The following VPS41 variants were observed in gnomAD, a reference collection of about 807,000 sequenced individuals.
VPS41 encodes vacuolar protein sorting-associated protein 41 homolog.
Under a neutral mutation model 130.9 loss-of-function variants are expected in VPS41, and 85 were observed. That is an observed-to-expected ratio of 0.65 (90% CI 0.55 to 0.78). The LOEUF is 0.78. Among genes scored for constraint, VPS41 ranks in the 30% least tolerant of loss-of-function variants. The probability of loss-of-function intolerance (pLI) is 0.00; values close to 1 mark genes in which losing one functional copy is unlikely to be tolerated. For missense variants in VPS41, 874 were observed against 1,018.7 expected, an observed-to-expected ratio of 0.86 and a Z score of 1.93; for synonymous variants, 335 against 332.9, an observed-to-expected ratio of 1.01 and a Z score of -0.07.
intron 10 of VPS41, among the ~76,000 whole-genome samples, chr7:38,783,842 G>C (rs1784394430): frequency 6.6e-6 from 1 of 151,620 alleles, no homozygotes; most frequent in Non-Finnish European, 1.5e-5. Flanking sequence ...TTCCCAACTA[G>C]GTTATCTCAC....
At chr7:38,898,058 AC>A in intron 2 of VPS41, 32 bp downstream of exon 2, 2 of 1,607,504 alleles carry the variant, frequency 1.2e-6, no homozygotes, top group Non-Finnish European at 1.7e-6. Flanking sequence ...GTGGTGAGCT[AC>A]AAATCCGAGG....
At chr7:38,893,338 T>A (rs1292320926) in intron 2 of VPS41, among the ~76,000 whole-genome samples, 5 of 152,218 alleles carry the variant, frequency 3.3e-5, no homozygotes, top group Non-Finnish European at 7.3e-5. Flanking sequence ...CTCCCAAGAT[T>A]CTAGGCAGAC....
chr7:38,898,209 TC>T, intron 1 of VPS41, 80 bp from the exon 2 acceptor site: 1 of 1,229,032 alleles, frequency 8.1e-7, no homozygotes, highest in Non-Finnish European at 1.2e-6. Context: ...GTCCTCATGT[TC>T]CTACTACCAC....
intron 9 of VPS41, among the ~76,000 whole-genome samples, chr7:38,792,464 T>C (rs560884589): frequency 1.2e-4 from 18 of 152,330 alleles, no homozygotes; most frequent in African/African-American, 4.1e-4. Flanking sequence ...TCCAGTATGT[T>C]AGGTGACTGT....
At chr7:38,861,526 CCT>C (rs1485116844) in intron 4 of VPS41, among the ~76,000 whole-genome samples, 2 of 152,154 alleles carry the variant, frequency 1.3e-5, no homozygotes, top group Non-Finnish European at 2.9e-5. Context: ...CACATAATTC[CCT>C]GTCTGTGTTG....
At chr7:38,815,234 G>A (rs1258936446) in intron 7 of VPS41, among the ~76,000 whole-genome samples, 1 of 152,072 alleles carries the variant, frequency 6.6e-6, no homozygotes, top group African/African-American at 2.4e-5. Context: ...GACCAGCCTG[G>A]CCAACATGGT....
At chr7:38,783,923 A>C (rs1019489917) in intron 10 of VPS41, among the ~76,000 whole-genome samples, 1 of 152,180 alleles carries the variant, frequency 6.6e-6, no homozygotes, top group East Asian at 1.9e-4. Flanking sequence ...CCTCTGTCAT[A>C]TATGTTTATA....
intron 7 of VPS41, among the ~76,000 whole-genome samples, chr7:38,812,671 A>AT (rs551853916): frequency 4.3e-4 from 65 of 152,164 alleles, no homozygotes; most frequent in Admixed American, 1.4e-3. Flanking sequence ...CCCAGAATTT[A>AT]TTTTTGAAGT....
chr7:38,828,453 C>T (rs1333956419), intron 5 of VPS41, among the ~76,000 whole-genome samples: 1 of 152,012 alleles, frequency 6.6e-6, no homozygotes, highest in Non-Finnish European at 1.5e-5. Flanking sequence ...TATCTAGGAA[C>T]CTTAACACAC....
At chr7:38,804,792 TGCAAATGCA>T (rs1784807131) in intron 7 of VPS41, among the ~76,000 whole-genome samples, 1 of 152,244 alleles carries the variant, frequency 6.6e-6, no homozygotes, top group Admixed American at 6.5e-5. Flanking sequence ...CTGCAATTGC[TGCAAATGCA>T]AGCACATAAT....
chr7:38,874,011 A>G (rs1039124885), intron 2 of VPS41, among the ~76,000 whole-genome samples: 4 of 152,202 alleles, frequency 2.6e-5, no homozygotes, highest in Admixed American at 6.5e-5. Flanking sequence ...TTGTATACCA[A>G]CAAGAATATT....
chr7:38,831,988 A>G (rs1785395011), intron 4 of VPS41, among the ~76,000 whole-genome samples: 1 of 152,178 alleles, frequency 6.6e-6, no homozygotes, highest in South Asian at 2.1e-4. Flanking sequence ...TCTATTAGCA[A>G]TAGAAGGGTT....
At chr7:38,879,396 T>C (rs981417537) in intron 2 of VPS41, among the ~76,000 whole-genome samples, 1 of 152,148 alleles carries the variant, frequency 6.6e-6, no homozygotes, top group African/African-American at 2.4e-5. Flanking sequence ...TAGGGGCTGC[T>C]TCCTCTGTGG....
intron 4 of VPS41, among the ~76,000 whole-genome samples, chr7:38,839,747 C>T (rs1214779173): frequency 6.6e-6 from 1 of 151,964 alleles, no homozygotes; most frequent in African/African-American, 2.4e-5. Flanking sequence ...CCGTTCTGCC[C>T]GGCCAGAACA....
At chr7:38,726,455 G>A (rs1795546989) in intron 28 of VPS41, 129 bp from the exon 29 acceptor site, 1 of 692,922 alleles carries the variant, frequency 1.4e-6, no homozygotes. Flanking sequence ...CCTTTCTCTG[G>A]AGTTTATTTC....
chr7:38,805,030 T>C (rs1562592945), intron 7 of VPS41, among the ~76,000 whole-genome samples: 1 of 152,216 alleles, frequency 6.6e-6, no homozygotes, highest in Non-Finnish European at 1.5e-5. Context: ...AGAAAAGTCA[T>C]CCACTGGGTG....
chr7:38,749,110 T>C (rs538210425), intron 22 of VPS41, among the ~76,000 whole-genome samples: 1 of 152,348 alleles, frequency 6.6e-6, no homozygotes, highest in East Asian at 1.9e-4. Flanking sequence ...AGTTTATGAT[T>C]AATTTTTGAA....
At chr7:38,886,440 T>C (rs112196912) in intron 2 of VPS41, among the ~76,000 whole-genome samples, 98 of 152,158 alleles carry the variant, frequency 6.4e-4, no homozygotes, top group Non-Finnish European at 1.3e-3. Flanking sequence ...CGGAGCTTGG[T>C]GGGGGGAGGG....
chr7:38,754,424 T>C (rs1031890429), intron 21 of VPS41, among the ~76,000 whole-genome samples: 2 of 152,160 alleles, frequency 1.3e-5, no homozygotes, highest in African/African-American at 4.8e-5. Flanking sequence ...CATATATTTA[T>C]ATTATAGTAA....
Sources: allele counts gnomAD v4.1 joint callset (sites outside exome capture counted in the v4.1 genomes callset), GRCh38; gene constraint gnomAD v4.1.1; transcripts MANE v1.5; gene names NCBI Gene and HGNC (gene_info 2026-07-23, HGNC 2026-07-21).